The following PXDNL variants were observed in gnomAD, a reference collection of about 807,000 sequenced individuals.
PXDNL encodes probable oxidoreductase PXDNL.
PXDNL carries 145 observed loss-of-function variants against 150.8 expected under a neutral mutation model. That is an observed-to-expected ratio of 0.96 (90% CI 0.84 to 1.10). The LOEUF (loss-of-function observed/expected upper bound fraction) is 1.10. Ranked by LOEUF, PXDNL falls within the 50% of genes least tolerant of loss-of-function variation. The pLI, the probability that PXDNL is intolerant of heterozygous loss-of-function variation, is 0.00. For synonymous variants in PXDNL, 757 were observed against 725.7 expected (o/e 1.04, Z -0.69); for missense variants, 2,087 against 1,873.9 (o/e 1.11, Z -2.10).
At chr8:51,631,985 A>C (rs1200012944) in intron 2 of PXDNL, among the ~76,000 whole-genome samples, 1 of 152,174 alleles carries the variant, frequency 6.6e-6, no homozygotes, top group Non-Finnish European at 1.5e-5. Flanking sequence ...TGACAGAAGT[A>C]AGTCCTTTCT....
At chr8:51,649,206 C>T (rs954580696) in intron 2 of PXDNL, among the ~76,000 whole-genome samples, 1 of 152,000 alleles carries the variant, frequency 6.6e-6, no homozygotes, top group Non-Finnish European at 1.5e-5. Flanking sequence ...AAGACATGCT[C>T]GAGGAAAAAA....
At chr8:51,584,613 T>C (rs912784028) in intron 3 of PXDNL, among the ~76,000 whole-genome samples, 2 of 152,118 alleles carry the variant, frequency 1.3e-5, no homozygotes, top group African/African-American at 4.8e-5. Context: ...AGACACAATA[T>C]CCCAACATAA....
rs1303125618 is a variant in PXDNL, at chr8:51,503,866, C to G, written c.381-4096G>C. ...TCCAACCCAAATTTACCTCTAGGACCTAAATTCATGCACCCAATGTCTTCT... is the reference window on the plus strand; with the variant it reads ...TCCAACCCAAATTTACCTCTAGGACGTAAATTCATGCACCCAATGTCTTCT... On this transcript the variant is annotated intron_variant, in intron 4 of 22. Transcript: ENST00000356297. Among the ~76,000 whole-genome samples the G allele has an allele frequency of 2.0e-5, 3 of 152,128 alleles. No homozygotes were observed. In the East Asian group the frequency reaches 5.8e-4, roughly 29 times the overall value.
rs114002568 is a variant in PXDNL, at chr8:51,321,428, G to A, written c.4147-531C>T. On this transcript the variant is annotated intron_variant, in intron 21 of 22. Coordinates refer to ENST00000356297, the MANE Select transcript of PXDNL (RefSeq NM_144651.5). ...ACGGTCTTTAGGAATCCCAAGGGGA[G>A]CAGAAGGGCAGTTGATATGGTTTGG... Among the ~76,000 whole-genome samples the A allele has an allele frequency of 5.9e-3, 899 of 152,274 alleles. 5 individuals carry two copies. Among genetic ancestry groups the A allele is most frequent in the African/African-American group, 0.021 (863 of 41,562 alleles).
chr8:51,645,964 A>C (rs1384695079), intron 2 of PXDNL, among the ~76,000 whole-genome samples: 1 of 152,098 alleles, frequency 6.6e-6, no homozygotes, highest in Non-Finnish European at 1.5e-5. Flanking sequence ...ATTGCAGCAT[A>C]AAGACTGAGA....
intron 1 of PXDNL, among the ~76,000 whole-genome samples, chr8:51,740,864 G>A (rs528345620): frequency 6.6e-6 from 1 of 152,296 alleles, no homozygotes; most frequent in South Asian, 2.1e-4. Context: ...TGGTTTGCCA[G>A]TATTTTACTG....
chr8:51,452,249 A>G (rs897008143), intron 10 of PXDNL, among the ~76,000 whole-genome samples: 3 of 152,196 alleles, frequency 2.0e-5, no homozygotes, highest in Non-Finnish European at 2.9e-5. Context: ...CTTTGAAGGT[A>G]TTTTTCAATC....
intron 3 of PXDNL, among the ~76,000 whole-genome samples, chr8:51,592,365 C>T (rs1317764661): frequency 6.6e-6 from 1 of 152,132 alleles, no homozygotes; most frequent in Admixed American, 6.5e-5. Context: ...TATTGGAAAA[C>T]TGTTTTGTTT....
At chr8:51,793,035 C>T (rs767581350) in intron 1 of PXDNL, among the ~76,000 whole-genome samples, 3 of 152,162 alleles carry the variant, frequency 2.0e-5, no homozygotes, top group Non-Finnish European at 4.4e-5. Flanking sequence ...TTGGGTGAGA[C>T]CCCCCACAAC....
chr8:51,744,105 A>G (rs576101949), intron 1 of PXDNL, among the ~76,000 whole-genome samples: 2 of 137,626 alleles, frequency 1.5e-5, no homozygotes, highest in Non-Finnish European at 3.1e-5. Context: ...AAAGAAAGAA[A>G]GAAAGAAAGA....
At chr8:51,788,227 T>C (rs994540916) in intron 1 of PXDNL, among the ~76,000 whole-genome samples, 6 of 152,254 alleles carry the variant, frequency 3.9e-5, no homozygotes, top group East Asian at 1.9e-4. Flanking sequence ...AATGACTGTA[T>C]GTAAATTAGC....
At chr8:51,390,046 G>A (rs561035802) in intron 17 of PXDNL, among the ~76,000 whole-genome samples, 15 of 152,008 alleles carry the variant, frequency 9.9e-5, no homozygotes, top group African/African-American at 3.1e-4. Flanking sequence ...CACTGGCTAT[G>A]GAAGCCATGC....
At chr8:51,602,944 T>A (rs1175957306) in intron 2 of PXDNL, among the ~76,000 whole-genome samples, 1 of 151,670 alleles carries the variant, frequency 6.6e-6, no homozygotes, top group Admixed American at 6.6e-5. Context: ...TACATTAAAA[T>A]CCCAATATTT....
intron 3 of PXDNL, among the ~76,000 whole-genome samples, chr8:51,587,525 G>T (rs1203959053): frequency 6.6e-6 from 1 of 152,134 alleles, no homozygotes; most frequent in Non-Finnish European, 1.5e-5. Flanking sequence ...TAGAGGAAAA[G>T]CTATGCTATC....
chr8:51,809,075 A>G, intron 1 of PXDNL, 106 bp downstream of exon 1: 2 of 1,186,874 alleles, frequency 1.7e-6, no homozygotes, highest in South Asian at 1.4e-5. Flanking sequence ...CTAAGTATAC[A>G]AGCAGGGAGA....
chr8:51,423,809 T>C, intron 13 of PXDNL, 78 bp from the exon 14 acceptor site: 1 of 1,344,474 alleles, frequency 7.4e-7, no homozygotes, highest in South Asian at 1.4e-5. Flanking sequence ...AAAATGTGGG[T>C]TCATTTATTC....
chr8:51,356,188 G>A (rs1432603920), intron 19 of PXDNL, among the ~76,000 whole-genome samples: 1 of 152,152 alleles, frequency 6.6e-6, no homozygotes, highest in African/African-American at 2.4e-5. Flanking sequence ...GCCACCTCCA[G>A]CTTCAAAAAT....
chr8:51,502,396 G>A (rs1240778131), intron 4 of PXDNL, among the ~76,000 whole-genome samples: 1 of 152,116 alleles, frequency 6.6e-6, no homozygotes, highest in Non-Finnish European at 1.5e-5. Flanking sequence ...AGTGCCCAAA[G>A]CCACAAAGCC....
chr8:51,577,688 T>C (rs1413325010), intron 3 of PXDNL, among the ~76,000 whole-genome samples: 3 of 149,982 alleles, frequency 2.0e-5, no homozygotes, highest in Non-Finnish European at 4.4e-5. Flanking sequence ...TGCCCATTCA[T>C]GATCAAAGCT....
Sources: gnomAD v4.1 joint callset for allele counts (sites outside exome capture counted in the v4.1 genomes callset) on GRCh38, gnomAD v4.1.1 for gene constraint, MANE v1.5 for transcripts, NCBI Gene and HGNC (gene_info 2026-07-23, HGNC 2026-07-21) for gene names.